BRF1: variants seen among roughly 807,000 people sequenced by gnomAD.
BRF1 encodes the protein transcription factor IIIB 90 kDa subunit.
In BRF1, 59 loss-of-function variants were observed where a neutral mutation model predicts 81.7. The observed-to-expected ratio is 0.72, with a 90% CI of 0.59 to 0.90. The LOEUF (loss-of-function observed/expected upper bound fraction) is 0.90. BRF1 is among the 40% of genes least tolerant of loss of function. BRF1 has a pLI of 0.00. For missense variants in BRF1, 1,050 were observed against 936.3 expected (o/e 1.12, Z -1.58); for synonymous variants, 491 against 395.6 (o/e 1.24, Z -2.86).
intron 7 of BRF1, 131 bp downstream of exon 7, chr14:105,228,689 C>G: frequency 9.9e-7 from 1 of 1,005,704 alleles, no homozygotes; most frequent in Non-Finnish European, 1.5e-6. Flanking sequence ...CGGGGCTGGG[C>G]TAGGTCCTGG....
chr14:105,260,090 C>T (rs1220562932), intron 3 of BRF1, among the ~76,000 whole-genome samples: 1 of 152,142 alleles, frequency 6.6e-6, no homozygotes, highest in African/African-American at 2.4e-5. Flanking sequence ...TCTGGGCTGA[C>T]GGGTGACCGT....
chr14:105,250,381 T>A, intron 5 of BRF1: 1 of 1,613,854 alleles, frequency 6.2e-7, no homozygotes, highest in South Asian at 1.1e-5. Flanking sequence ...GCGTGAAGAT[T>A]GAGCTCAAGC....
rs1033761978 is a variant in BRF1 at position 105,229,403 on chromosome 14, C to A, written c.695-490G>T. On this transcript the variant is annotated intron_variant, in intron 6 of 17. Coordinates refer to ENST00000547530, the MANE Select transcript of BRF1 (RefSeq NM_001519.4). The stretch of plus-strand genomic sequence containing the variant: ...GGCTTCTCAGGTGGACTGAATCCTG[C>A]AGCGCAGGGATGCCGGTACCTGGCC... 2.6e-5 allele frequency among the ~76,000 whole-genome samples: 4 copies of A among 152,354 alleles called. No individual in the cohort carries two copies. In the East Asian group the frequency reaches 5.8e-4, roughly 22 times the overall value.
intron 2 of BRF1, among the ~76,000 whole-genome samples, chr14:105,280,129 A>G (rs587765451): frequency 6.6e-6 from 1 of 152,368 alleles, no homozygotes; most frequent in South Asian, 2.1e-4. Flanking sequence ...TAATCGCCCA[A>G]GCCCAGATTC....
At position 105,221,875 on chromosome 14, in the gene BRF1, T is replaced by C. The variant is rs779570752; in HGVS notation, c.1088A>G (p.Glu363Gly). 205 of 1,601,202 alleles carry C rather than the reference T, an allele frequency of 1.3e-4. 1 individual carries two copies. Among genetic ancestry groups the C allele is most frequent in the Non-Finnish European group, 1.5e-4 (180 of 1,174,392 alleles). Residue 363 changes from glutamate (E) to glycine (G), a missense_variant, in exon 11 of 18, where the codon GAG (glutamate) becomes GGG (glycine). Physicochemically the swap from Glu to Gly is moderately conservative, Grantham distance 98 (BLOSUM62 -2). This residue lies in a region of BRF1 where 1,043 missense variants were observed against 915.4 expected (regional missense o/e 1.14). Coordinates refer to ENST00000547530, the MANE Select transcript of BRF1 (RefSeq NM_001519.4). ...EDTASSLCGE[E>G]DTEDEELEAA... ...TTCCAGCTCCTCGTCCTCTGTGTCC[T>C]CCTCGCCACACAAGCTGGACGCGGT...
chr14:105,225,487 C>G (rs1299342054), intron 10 of BRF1, among the ~76,000 whole-genome samples: 1 of 152,162 alleles, frequency 6.6e-6, no homozygotes, highest in African/African-American at 2.4e-5. Context: ...TGATGATTGA[C>G]CAGACTTTGT....
intron 5 of BRF1, among the ~76,000 whole-genome samples, chr14:105,245,052 G>A (rs587754151): frequency 2.3e-4 from 35 of 152,186 alleles, no homozygotes; most frequent in African/African-American, 6.3e-4. Flanking sequence ...TAACTCAAGC[G>A]CTTTGTGTAT....
In BRF1 at chr14:105,226,779, T is replaced by C. The variant is rs368872440; in HGVS notation, c.789-19A>G. ...CGTGAGCCTAAAATGGAGCCAGACA[T>C]GGGAAATGGAGCTGGTGGCTCTGAA... On this transcript the variant is annotated intron_variant, in intron 7 of 17. Coordinates refer to ENST00000547530, the MANE Select transcript of BRF1 (RefSeq NM_001519.4). 34 of 1,612,942 alleles carry C rather than the reference T, an allele frequency of 2.1e-5. No individual in the cohort carries two copies. In the African/African-American group the frequency reaches 4.1e-4, roughly 20 times the overall value.
chr14:105,297,019 G>A (rs1046131794), intron 1 of BRF1, among the ~76,000 whole-genome samples: 5 of 151,708 alleles, frequency 3.3e-5, no homozygotes, highest in Admixed American at 2.6e-4. Context: ...TTAGCCAGGC[G>A]TGGTGGTGGG....
rs1428969787 is a variant in BRF1, at chr14:105,269,007, A to C, written c.439+3714T>G. ...AGCCCAGCCAGCCAGCTGGGGCTGC[A>C]GGAGGCGAGGACAGTGGCCAGAGCC... On this transcript the variant is annotated intron_variant, in intron 3 of 17. Coordinates refer to ENST00000547530, the MANE Select transcript of BRF1 (RefSeq NM_001519.4). This position sits in a 1 kb window ranked among gnomAD's most constrained non-coding sequence, Gnocchi z 5.0. 6.6e-6 allele frequency among the ~76,000 whole-genome samples: 1 copy of C among 152,210 alleles called. No homozygotes were observed. Among genetic ancestry groups the C allele is most frequent in the Non-Finnish European group, 1.5e-5 (1 of 68,022 alleles).
At position 105,300,479 on chromosome 14, in the gene BRF1, A is replaced by G. The variant is rs2057963770; in HGVS notation, c.151T>C (p.Ser51Pro). The change falls in exon 1 of 18, where the codon TCC (serine) becomes CCC (proline). Residue 51 changes from serine to proline, a missense_variant. Around this residue, in one of 2 missense-constraint regions of BRF1, gnomAD observed 1,043 missense variants for 915.4 expected, o/e 1.14. Coordinates refer to ENST00000547530, the MANE Select transcript of BRF1 (RefSeq NM_001519.4). ...GACACGAACTGGCCCACGGCCGAGG[A>G]GCCGCCGCCGCTGCTCTCCACGAAC... ...VQFVESSGGG[S>P]SAVGQFVSLD... 2.0e-6 allele frequency: 3 copies of G among 1,534,452 alleles called. No homozygotes were observed. The highest frequency in any genetic ancestry group is 2.6e-6 in the Non-Finnish European group (3 of 1,144,252).
At chr14:105,249,190 C>G in intron 5 of BRF1, 2 of 1,588,772 alleles carry the variant, frequency 1.3e-6, no homozygotes, top group Admixed American at 1.7e-5. Context: ...AGCTCATGGC[C>G]GACGTGCACT....
chr14:105,225,671 G>A (rs1399930130), intron 10 of BRF1, among the ~76,000 whole-genome samples: 4 of 151,088 alleles, frequency 2.6e-5, no homozygotes, highest in African/African-American at 7.3e-5. Context: ...TGTTTGAGAC[G>A]GAGTCTCGCT....
chr14:105,223,781 G>C (rs756554472), intron 10 of BRF1, among the ~76,000 whole-genome samples: 9 of 152,256 alleles, frequency 5.9e-5, no homozygotes, highest in South Asian at 4.1e-4. Flanking sequence ...AATATGAGCA[G>C]TTTTCATACG....
intron 1 of BRF1, among the ~76,000 whole-genome samples, chr14:105,294,757 A>C (rs587599629): frequency 1.3e-5 from 2 of 152,346 alleles, no homozygotes; most frequent in African/African-American, 4.8e-5. Flanking sequence ...AGGAAAAAGG[A>C]GGCCACTGTG....
intron 5 of BRF1, among the ~76,000 whole-genome samples, chr14:105,242,762 A>G (rs1054812519): frequency 4.0e-5 from 6 of 149,246 alleles, no homozygotes; most frequent in Non-Finnish European, 5.9e-5. Context: ...AAAAAAAAAA[A>G]AAGATACGCT....
rs145433854 is a variant in BRF1 at position 105,218,177 on chromosome 14, A to G, written c.1516-377T>C. Among the ~76,000 whole-genome samples, 29 of 152,098 alleles carry G rather than the reference A, an allele frequency of 1.9e-4. 1 individual carries two copies. The East Asian group carries it at 4.8e-3, about 25-fold the overall frequency. ...TGTGAGGGCTGCAGCAGAGATGGCT[A>G]CTCAGTGAAGACAGACAATCCACCC... On this transcript the variant is annotated intron_variant, in intron 14 of 17. Transcript: ENST00000547530.
intron 11 of BRF1, among the ~76,000 whole-genome samples, chr14:105,220,741 C>G (rs1178458108): frequency 6.6e-6 from 1 of 152,240 alleles, no homozygotes; most frequent in South Asian, 2.1e-4. Context: ...CTGCCTGCCC[C>G]GTGCTGCCAA....
chr14:105,291,375 G>A (rs1019682346), intron 1 of BRF1, among the ~76,000 whole-genome samples: 2 of 152,218 alleles, frequency 1.3e-5, no homozygotes, highest in Non-Finnish European at 2.9e-5. Flanking sequence ...ATATTCACGT[G>A]CTCATTCAAC....
Sources: gnomAD v4.1 joint callset for allele counts (sites outside exome capture counted in the v4.1 genomes callset) on GRCh38, gnomAD v4.1.1 for gene constraint, gnomAD v4.1.1 regional missense constraint, Gnocchi (gnomAD v3.1) non-coding constraint, MANE v1.5 for transcripts, NCBI Gene and HGNC (gene_info 2026-07-23, HGNC 2026-07-21) for gene names.